Variants in KLHL8 observed in about 807,000 individuals in gnomAD.
KLHL8 encodes the protein kelch-like protein 8.
KLHL8 carries 38 observed loss-of-function variants against 63.5 expected under a neutral mutation model. The observed-to-expected ratio is 0.60, with a 90% CI of 0.46 to 0.78. KLHL8 has a LOEUF of 0.78. Among genes scored for constraint, KLHL8 ranks in the 30% least tolerant of loss-of-function variants. The probability of loss-of-function intolerance (pLI) is 0.00; values close to 1 mark genes in which losing one functional copy is unlikely to be tolerated. For synonymous variants in KLHL8, 224 were observed against 254.3 expected (o/e 0.88, Z 1.13); for missense variants, 566 against 752.4 (o/e 0.75, Z 2.90).
chr4:87,212,342 T>G (rs935191836), intron 1 of KLHL8, among the ~76,000 whole-genome samples: 1 of 152,104 alleles, frequency 6.6e-6, no homozygotes, highest in African/African-American at 2.4e-5. Flanking sequence ...CAGTTACCAA[T>G]GAGCTGGGAG....
Position 87,185,294 on chromosome 4 carries a change from T to C in KLHL8, c.722A>G (p.Asn241Ser), listed in dbSNP as rs771860527. 1.1e-5 allele frequency: 17 copies of C among 1,614,124 alleles called. No homozygotes were observed. Among genetic ancestry groups the C allele is most frequent in the Non-Finnish European group, 1.2e-5 (14 of 1,179,964 alleles). The change falls in exon 3 of 10, where the codon AAT becomes AGT. Residue 241 changes from asparagine to serine, a missense_variant. Physicochemically the swap from Asn to Ser is conservative, Grantham distance 46 (BLOSUM62 1). Transcript: ENST00000273963. The part of the protein sequence containing the change: ...YNAAIKWLLA[N>S]PQHHSKWLDE... Reference sequence around the variant, plus strand: ...CAACCATTTGGAATGATGCTGAGGATTGGCAAGAAGCCACTTGATGGCAGC... The same window carrying C: ...CAACCATTTGGAATGATGCTGAGGACTGGCAAGAAGCCACTTGATGGCAGC...
upstream of KLHL8, among the ~76,000 whole-genome samples, chr4:87,223,013 G>C (rs183711068): frequency 6.6e-6 from 1 of 152,160 alleles, no homozygotes; most frequent in Admixed American, 6.5e-5. Flanking sequence ...AGTGCAGTGA[G>C]TAGCACAATC....
upstream of KLHL8, among the ~76,000 whole-genome samples, chr4:87,225,532 G>C (rs561441045): frequency 4.5e-4 from 69 of 152,288 alleles, 1 homozygote; most frequent in African/African-American, 1.7e-3. Flanking sequence ...GGTCTCTGTT[G>C]CTTCCTAAAG....
intron 6 of KLHL8, among the ~76,000 whole-genome samples, chr4:87,174,217 G>A: frequency 6.6e-6 from 1 of 151,242 alleles, no homozygotes; most frequent in Non-Finnish European, 1.5e-5. Context: ...ATATATTAAG[G>A]TCAGTATCAT....
intron 6 of KLHL8, 135 bp downstream of exon 6, chr4:87,176,622 G>C: frequency 3.4e-6 from 2 of 593,406 alleles, no homozygotes; most frequent in Non-Finnish European, 5.8e-6. Context: ...TATCACTTTG[G>C]ACATGCTAAC....
intron 2 of KLHL8, among the ~76,000 whole-genome samples, chr4:87,192,411 T>C (rs140586973): frequency 5.9e-5 from 9 of 152,366 alleles, no homozygotes; most frequent in Middle Eastern, 3.4e-3. Flanking sequence ...CTTGTGGGTC[T>C]TCTTTTGAGA....
intron 1 of KLHL8, among the ~76,000 whole-genome samples, chr4:87,200,145 AAAAAAAAAAAAAAAAG>A (rs1731857736): frequency 6.6e-6 from 1 of 150,584 alleles, no homozygotes; most frequent in Non-Finnish European, 1.5e-5. Flanking sequence ...CCTCAAAAAA[AAAAAAAAAAAAAAAAG>A]AAAAAAAAAA....
chr4:87,180,582 G>A (rs1393398802), intron 4 of KLHL8, among the ~76,000 whole-genome samples: 5 of 152,248 alleles, frequency 3.3e-5, no homozygotes, highest in South Asian at 2.1e-4. Flanking sequence ...TCCAAAATAA[G>A]TCCGGCTGTA....
At chr4:87,212,636 T>A (rs1039054455) in intron 1 of KLHL8, among the ~76,000 whole-genome samples, 1 of 152,208 alleles carries the variant, frequency 6.6e-6, no homozygotes, top group Non-Finnish European at 1.5e-5. Flanking sequence ...TACAGTCATG[T>A]GCTGCATATC....
chr4:87,180,399 CA>C (rs750380199), intron 4 of KLHL8, among the ~76,000 whole-genome samples: 21 of 152,214 alleles, frequency 1.4e-4, no homozygotes, highest in Non-Finnish European at 2.8e-4. Flanking sequence ...TTATTATTCA[CA>C]ACCAAGGCTA....
chr4:87,226,303 C>T (rs1475037994), intron 1 of KLHL8, among the ~76,000 whole-genome samples: 1 of 151,998 alleles, frequency 6.6e-6, no homozygotes. Flanking sequence ...TGGCTCACGC[C>T]TGTAATCCCA....
At chr4:87,178,387 A>C in intron 5 of KLHL8, 90 bp downstream of exon 5, 1 of 1,316,270 alleles carries the variant, frequency 7.6e-7, no homozygotes, top group South Asian at 1.4e-5. Context: ...CAATTTAGTC[A>C]TTTTCTTATA....
chr4:87,168,228 G>A (rs1730480116), intron 8 of KLHL8, among the ~76,000 whole-genome samples: 1 of 152,182 alleles, frequency 6.6e-6, no homozygotes, highest in Non-Finnish European at 1.5e-5. Context: ...TCTCTGCCAA[G>A]TACACTTATA....
chr4:87,208,369 C>CTTTTT (rs1011114394), intron 1 of KLHL8, among the ~76,000 whole-genome samples: 1 of 142,290 alleles, frequency 7.0e-6, no homozygotes, highest in African/African-American at 2.6e-5. Flanking sequence ...TTCTTTTTTT[C>CTTTTT]TTTTTTTTTT....
chr4:87,232,997 T>C (rs948919762), intron 1 of KLHL8, among the ~76,000 whole-genome samples: 2 of 152,170 alleles, frequency 1.3e-5, no homozygotes, highest in African/African-American at 4.8e-5. Flanking sequence ...CTTGTCTTAC[T>C]TTTTAGTGAT....
chr4:87,221,326 C>CGGA (rs1732835949), upstream of KLHL8: 1 of 139,278 alleles, frequency 7.2e-6, no homozygotes, highest in African/African-American at 2.7e-5. Flanking sequence ...ACCCGGGAGT[C>CGGA]GGAGGTTGCA....
At chr4:87,168,022 G>C (rs1364812697) in intron 8 of KLHL8, among the ~76,000 whole-genome samples, 1 of 152,110 alleles carries the variant, frequency 6.6e-6, no homozygotes, top group Non-Finnish European at 1.5e-5. Context: ...TGCTCACTTG[G>C]CTCTCTTTAC....
At chr4:87,164,136 A>AT (rs2149823585) in intron 8 of KLHL8, 57 bp from the exon 9 acceptor site, 1 of 1,404,852 alleles carries the variant, frequency 7.1e-7, no homozygotes, top group East Asian at 2.3e-5. Flanking sequence ...TAACTACTAA[A>AT]TTTCAATTCA....
rs1731653553 is a variant in KLHL8 at position 87,195,379 on chromosome 4, T to A, written c.161A>T (p.His54Leu). ...TTCATAAAATCGAAGAAGAGAACCA[T>A]GAAAATCTTTCCAAGCTTCATTTGC... ...FEANEAWKDF[H>L]GSLLRFYENG... Residue 54 changes from histidine (H) to leucine (L), a missense_variant, in exon 2 of 10, where the codon CAT becomes CTT. Physicochemically the swap from His to Leu is moderately conservative, Grantham distance 99. Transcript: ENST00000273963. The A allele has an allele frequency of 6.2e-7, 1 of 1,613,522 alleles. No individual in the cohort carries two copies. The highest frequency in any genetic ancestry group is 1.1e-5 in the South Asian group (1 of 91,060).
Sources: allele counts gnomAD v4.1 joint callset (sites outside exome capture counted in the v4.1 genomes callset), GRCh38; gene constraint gnomAD v4.1.1; transcripts MANE v1.5; gene names NCBI Gene and HGNC (gene_info 2026-07-23, HGNC 2026-07-21).